Variants in VNN1 observed in about 807,000 individuals in gnomAD.
VNN1 encodes vanin 1.
VNN1 carries 29 observed loss-of-function variants against 41.9 expected under a neutral mutation model. That is an observed-to-expected ratio of 0.69 (90% CI 0.52 to 0.94). The LOEUF is 0.94. Among genes scored for constraint, VNN1 ranks in the 40% least tolerant of loss-of-function variants. The pLI, the probability that VNN1 is intolerant of heterozygous loss-of-function variation, is 0.00. For missense variants in VNN1, 637 were observed against 621.1 expected, an observed-to-expected ratio of 1.03 and a Z score of -0.27; for synonymous variants, 233 against 224.4, an observed-to-expected ratio of 1.04 and a Z score of -0.34.
intron 5 of VNN1, among the ~76,000 whole-genome samples, chr6:132,690,087 A>G (rs538700087): frequency 2.2e-4 from 33 of 152,282 alleles, no homozygotes; most frequent in African/African-American, 7.0e-4. Context: ...TCCAACAAAC[A>G]CAGTCTTGGT....
intron 5 of VNN1, 115 bp from the exon 6 acceptor site, chr6:132,684,620 G>A (rs1778181002): frequency 1.2e-6 from 1 of 814,902 alleles, no homozygotes; most frequent in South Asian, 3.2e-5. Context: ...ATCATACACT[G>A]TAAAGATATA....
At chr6:132,684,920 C>A (rs2745427) in intron 5 of VNN1, among the ~76,000 whole-genome samples, 61,916 of 152,172 alleles carry the variant, frequency 0.41, 14,684 homozygotes, top group African/African-American at 0.66. Flanking sequence ...AAGATTAGCC[C>A]TGTAAAAGCA....
chr6:132,694,523 C>T (rs2840815), intron 2 of VNN1, among the ~76,000 whole-genome samples: 65,737 of 151,830 alleles, frequency 0.43, 15,360 homozygotes, highest in African/African-American at 0.6. Context: ...TTACATATCC[C>T]GTTTACTAAA....
chr6:132,691,457 G>T (rs1309211603), intron 5 of VNN1, among the ~76,000 whole-genome samples: 3 of 152,026 alleles, frequency 2.0e-5, no homozygotes, highest in African/African-American at 7.2e-5. Context: ...GAACTATCTT[G>T]GTGGTCAACC....
intron 5 of VNN1, among the ~76,000 whole-genome samples, chr6:132,689,941 G>A (rs986299031): frequency 2.6e-5 from 4 of 152,138 alleles, no homozygotes; most frequent in Non-Finnish European, 5.9e-5. Flanking sequence ...TCTGTCAGAT[G>A]CATCTCACCC....
chr6:132,712,582 A>C (rs1778619613), intron 1 of VNN1, among the ~76,000 whole-genome samples: 1 of 152,110 alleles, frequency 6.6e-6, no homozygotes, highest in South Asian at 2.1e-4. Context: ...GTCAAGACTG[A>C]TTAATAACTT....
Position 132,693,375 on chromosome 6 carries a change from C to T in VNN1, c.535-60G>A, listed in dbSNP as rs1335365162. The T allele has an allele frequency of 2.0e-5, 29 of 1,469,638 alleles. No homozygotes were observed. The East Asian group carries it at 4.7e-4, about 24-fold the overall frequency. 91.0% of individuals were successfully genotyped at this position (1,469,638 alleles called of 1,614,324 possible). A position where few individuals can be genotyped will look rare whatever the true frequency, so the allele number is the denominator to read the frequency against. On this transcript the variant is annotated intron_variant, in intron 3 of 6. Coordinates refer to ENST00000367928, the MANE Select transcript of VNN1 (RefSeq NM_004666.3). Reference sequence around the variant, plus strand: ...TTTTAGGAAGTTGATCTGGACATCACAGTGTGGGAAAAAGTACAAGCTCAC... The same window carrying T: ...TTTTAGGAAGTTGATCTGGACATCATAGTGTGGGAAAAAGTACAAGCTCAC...
chr6:132,700,392 C>A (rs1183354293), intron 2 of VNN1, among the ~76,000 whole-genome samples: 1 of 152,132 alleles, frequency 6.6e-6, no homozygotes, highest in African/African-American at 2.4e-5. Flanking sequence ...AAGAGAGGGC[C>A]CTGACAAGGA....
intron 6 of VNN1, among the ~76,000 whole-genome samples, chr6:132,683,972 C>A (rs1778169176): frequency 2.6e-5 from 4 of 152,168 alleles, no homozygotes; most frequent in South Asian, 2.1e-4. Context: ...TTGACTCACT[C>A]GACGAGAGGG....
At chr6:132,707,806 G>C (rs890612985) in intron 2 of VNN1, among the ~76,000 whole-genome samples, 2 of 152,210 alleles carry the variant, frequency 1.3e-5, no homozygotes, top group Admixed American at 6.5e-5. Flanking sequence ...GGGAGAAAGT[G>C]AGGAGATTAA....
At chr6:132,691,034 C>A (rs1421432675) in intron 5 of VNN1, among the ~76,000 whole-genome samples, 1 of 152,176 alleles carries the variant, frequency 6.6e-6, no homozygotes, top group African/African-American at 2.4e-5. Context: ...GTGCAAACAC[C>A]TTGAGGTTCT....
At chr6:132,710,688 C>A (rs1034400654) in intron 2 of VNN1, among the ~76,000 whole-genome samples, 2 of 152,160 alleles carry the variant, frequency 1.3e-5, no homozygotes, top group Non-Finnish European at 2.9e-5. Context: ...CATGTCCCTG[C>A]AAAGGACATG....
In VNN1 at chr6:132,682,762, A is replaced by G. The variant is rs1778144312; in HGVS notation, c.*378T>C. On this transcript the variant is annotated 3_prime_UTR_variant, in exon 7 of 7. Transcript: ENST00000367928. ...ACAAACAAAGTCATTGGAAATTTTC[A>G]GCAGAGCTGAATAAGTGATACGTAA... 6.5e-6 allele frequency: 1 copy of G among 154,480 alleles called. No homozygotes were observed. The highest frequency in any genetic ancestry group is 2.4e-5 in the African/African-American group (1 of 41,546). 9.6% of individuals were successfully genotyped at this position (154,480 alleles called of 1,614,324 possible).
chr6:132,713,945 C>T lies in VNN1; in HGVS notation c.91G>A (p.Glu31Lys). 1 of 1,614,106 alleles carries T rather than the reference C, an allele frequency of 6.2e-7. No individual in the cohort carries two copies. The highest frequency in any genetic ancestry group is 1.7e-5 in the Admixed American group (1 of 60,014). Residue 31 changes from glutamate (E) to lysine (K), a missense_variant, in exon 1 of 7, where the codon GAG becomes AAG. Glu to Lys is a moderately conservative substitution (Grantham distance 56). Transcript: ENST00000367928. ...CQDTFTAAVY[E>K]HAAILPNATL... ...GCATTGGGCAATATCGCTGCATGCT[C>T]ATAAACAGCTGCAGTGAAAGTGTCC...
At chr6:132,698,484 C>T (rs1438998672) in intron 2 of VNN1, among the ~76,000 whole-genome samples, 1 of 152,210 alleles carries the variant, frequency 6.6e-6, no homozygotes, top group East Asian at 1.9e-4. Context: ...GGTTGCTATG[C>T]TTATAAAGCA....
chr6:132,694,980 C>T (rs1011224840), intron 2 of VNN1, among the ~76,000 whole-genome samples: 37 of 152,052 alleles, frequency 2.4e-4, no homozygotes, highest in African/African-American at 8.7e-4. Context: ...TGAAGAAACC[C>T]CGTCTCTACT....
intron 2 of VNN1, among the ~76,000 whole-genome samples, chr6:132,695,462 G>T (rs2114350910): frequency 6.6e-6 from 1 of 152,238 alleles, no homozygotes; most frequent in South Asian, 2.1e-4. Context: ...TGGGAGCAGG[G>T]TGGACAATAA....
chr6:132,692,624 AGT>A (rs1350895025), intron 4 of VNN1, 40 bp from the exon 5 acceptor site: 1 of 1,518,942 alleles, frequency 6.6e-7, no homozygotes, highest in Non-Finnish European at 8.7e-7. Context: ...GAAATTGGAA[AGT>A]AAAAAGGGAT....
Position 132,694,113 on chromosome 6 carries a change from T to A in VNN1, c.411A>T (p.Ala137=), listed in dbSNP as rs2019165. The A allele has an allele frequency of 6.4e-3, 10,374 of 1,614,054 alleles. 575 individuals carry two copies. The African/African-American group carries it at 0.12, about 19-fold the overall frequency. ...CGCATGGCTTCTTGTCCCCAATATT[T>A]GCCACAACATAGATAGAGTTGTTCT... ...LAKNNSIYVV[A]NIGDKKPCDT... Residue 137 remains alanine (A), a synonymous_variant, in exon 3 of 7, where the codon GCA becomes GCT. Coordinates refer to ENST00000367928, the MANE Select transcript of VNN1 (RefSeq NM_004666.3).
Sources: allele counts gnomAD v4.1 joint callset (sites outside exome capture counted in the v4.1 genomes callset), GRCh38; gene constraint gnomAD v4.1.1; transcripts MANE v1.5; gene names NCBI Gene and HGNC (gene_info 2026-07-23, HGNC 2026-07-21).